The following GULP1 variants were observed in gnomAD, a reference collection of about 807,000 sequenced individuals.
The protein encoded by GULP1 is GULP PTB domain containing engulfment adaptor 1, also known as PTB domain-containing engulfment adapter protein 1.
GULP1 carries 19 observed loss-of-function variants against 40.9 expected under a neutral mutation model. The observed-to-expected ratio is 0.46, with a 90% CI of 0.32 to 0.68. GULP1 has a LOEUF of 0.68. Ranked by LOEUF, GULP1 falls within the 30% of genes least tolerant of loss-of-function variation. The pLI is 0.03. For synonymous variants in GULP1, 119 were observed against 117.6 expected (o/e 1.01, Z -0.08); for missense variants, 312 against 362.2 (o/e 0.86, Z 1.12).
At chr2:188,355,596 TGTAAA>T (rs1230465780) in intron 1 of GULP1, among the ~76,000 whole-genome samples, 1 of 152,006 alleles carries the variant, frequency 6.6e-6, no homozygotes, top group African/African-American at 2.4e-5. Flanking sequence ...CTACCAAACT[TGTAAA>T]GAAGAAATAA....
intron 1 of GULP1, among the ~76,000 whole-genome samples, chr2:188,330,555 T>A (rs1033887102): frequency 1.3e-5 from 2 of 152,170 alleles, no homozygotes; most frequent in Admixed American, 6.5e-5. Flanking sequence ...GTTTACACTG[T>A]GGCATCTTTA....
intron 11 of GULP1, chr2:188,592,216 A>G (rs1444299408): frequency 1.3e-5 from 2 of 151,970 alleles, no homozygotes; most frequent in African/African-American, 4.8e-5. Flanking sequence ...TACTAGCAGA[A>G]TGAACTGATA....
intron 2 of GULP1, among the ~76,000 whole-genome samples, chr2:188,453,184 TTAAAA>T (rs2058977053): frequency 1.3e-5 from 2 of 152,202 alleles, no homozygotes; most frequent in African/African-American, 4.8e-5. Flanking sequence ...TGTTTATGTG[TTAAAA>T]TAAGCCAATT....
chr2:188,312,776 G>A (rs542660973), intron 1 of GULP1, among the ~76,000 whole-genome samples: 21 of 152,172 alleles, frequency 1.4e-4, no homozygotes, highest in African/African-American at 3.9e-4. Context: ...CTGTAAAAGC[G>A]TTCCTAATTC....
chr2:188,501,662 G>A (rs979493960), intron 4 of GULP1, among the ~76,000 whole-genome samples: 2 of 151,908 alleles, frequency 1.3e-5, no homozygotes, highest in Non-Finnish European at 2.9e-5. Flanking sequence ...GCGTCTTAGA[G>A]TAGGTTGAAA....
At chr2:188,418,870 A>T (rs756210069) in intron 2 of GULP1, among the ~76,000 whole-genome samples, 4 of 152,138 alleles carry the variant, frequency 2.6e-5, no homozygotes, top group Non-Finnish European at 4.4e-5. Flanking sequence ...GTTGATTATT[A>T]ACTCCCCATT....
intron 2 of GULP1, among the ~76,000 whole-genome samples, chr2:188,415,440 G>C (rs1309701636): frequency 6.6e-6 from 1 of 151,944 alleles, no homozygotes; most frequent in African/African-American, 2.4e-5. Context: ...TAATTCCTGG[G>C]GGTTAGTTTT....
In GULP1 at chr2:188,356,018, A is replaced by T. The variant is rs182766637; in HGVS notation, c.-171-27745A>T. ...AATAAAAACTCTCAACAAATTATGT[A>T]TAGGAGGAACATGCCTCAACATAAT... On this transcript the variant is annotated intron_variant, in intron 1 of 11. Coordinates refer to ENST00000409830, the MANE Select transcript of GULP1 (RefSeq NM_016315.4). 5.9e-3 allele frequency among the ~76,000 whole-genome samples: 903 copies of T among 152,254 alleles called. 9 individuals are homozygous for T. Among genetic ancestry groups the T allele is most frequent in the African/African-American group, 0.02 (838 of 41,580 alleles).
At chr2:188,398,145 C>T (rs1317535676) in intron 2 of GULP1, among the ~76,000 whole-genome samples, 1 of 152,176 alleles carries the variant, frequency 6.6e-6, no homozygotes, top group Non-Finnish European at 1.5e-5. Flanking sequence ...TGATGTGATA[C>T]AGACACAAGC....
At chr2:188,562,285 G>A (rs541200615) in intron 7 of GULP1, among the ~76,000 whole-genome samples, 5 of 152,050 alleles carry the variant, frequency 3.3e-5, no homozygotes, top group East Asian at 1.9e-4. Flanking sequence ...CCTTGACCAG[G>A]GTTGCATGAT....
chr2:188,415,577 C>T (rs1422195358), intron 2 of GULP1, among the ~76,000 whole-genome samples: 1 of 151,310 alleles, frequency 6.6e-6, no homozygotes, highest in Non-Finnish European at 1.5e-5. Flanking sequence ...TAGAGCAAAG[C>T]TGAAAAAAGG....
At chr2:188,398,172 G>A (rs111819406) in intron 2 of GULP1, among the ~76,000 whole-genome samples, 3 of 152,276 alleles carry the variant, frequency 2.0e-5, no homozygotes, top group African/African-American at 7.2e-5. Context: ...GGAGTCACCA[G>A]AAGCCAAAAG....
intron 4 of GULP1, among the ~76,000 whole-genome samples, chr2:188,517,049 T>G (rs983940574): frequency 2.0e-5 from 3 of 152,206 alleles, no homozygotes; most frequent in Non-Finnish European, 4.4e-5. Context: ...ATTGTTTGGC[T>G]CACCCACTAG....
At chr2:188,583,080 A>G (rs568586321) in intron 9 of GULP1, among the ~76,000 whole-genome samples, 1 of 152,260 alleles carries the variant, frequency 6.6e-6, no homozygotes, top group African/African-American at 2.4e-5. Flanking sequence ...CGTGAAAAAG[A>G]GTAGAGATAT....
chr2:188,480,794 T>G (rs1212034508), intron 3 of GULP1, among the ~76,000 whole-genome samples: 2 of 151,846 alleles, frequency 1.3e-5, no homozygotes. Flanking sequence ...AATGATTAAG[T>G]AATTCAACTA....
intron 4 of GULP1, among the ~76,000 whole-genome samples, chr2:188,498,850 T>C (rs950423397): frequency 1.3e-5 from 2 of 151,666 alleles, no homozygotes; most frequent in Non-Finnish European, 2.9e-5. Context: ...CAATTATTAT[T>C]TGTAAATTAA....
intron 2 of GULP1, among the ~76,000 whole-genome samples, chr2:188,401,012 T>C (rs987609739): frequency 2.0e-5 from 3 of 151,626 alleles, no homozygotes; most frequent in Non-Finnish European, 4.4e-5. Context: ...TTTGGATATT[T>C]CTTTTAGTTT....
chr2:188,330,203 A>T (rs2152037350), intron 1 of GULP1, among the ~76,000 whole-genome samples: 1 of 152,292 alleles, frequency 6.6e-6, no homozygotes, highest in Admixed American at 6.5e-5. Context: ...ATTTAAAATA[A>T]TTCTTAAGAT....
At chr2:188,433,016 C>T (rs1471415187) in intron 2 of GULP1, among the ~76,000 whole-genome samples, 1 of 152,148 alleles carries the variant, frequency 6.6e-6, no homozygotes, top group South Asian at 2.1e-4. Context: ...TGGGTTTTAT[C>T]TTGACACCAG....
Sources: allele counts gnomAD v4.1 joint callset (sites outside exome capture counted in the v4.1 genomes callset), GRCh38; gene constraint gnomAD v4.1.1; transcripts MANE v1.5; gene names NCBI Gene and HGNC (gene_info 2026-07-23, HGNC 2026-07-21).